The following TSNARE1 variants were observed in gnomAD, a reference collection of about 807,000 sequenced individuals.
The protein encoded by TSNARE1 is t-SNARE domain-containing protein 1.
TSNARE1 carries 49 observed loss-of-function variants against 62.0 expected under a neutral mutation model. The observed-to-expected ratio is 0.79, with a 90% CI of 0.63 to 1.00. TSNARE1 has a LOEUF of 1.00. TSNARE1 is among the 50% of genes least tolerant of loss of function. The pLI is 0.00. For missense variants in TSNARE1, 755 were observed against 700.1 expected (o/e 1.08, Z -0.88); for synonymous variants, 328 against 294.4 (o/e 1.11, Z -1.17).
At chr8:142,376,617 C>G (rs1460874207) in intron 1 of TSNARE1, among the ~76,000 whole-genome samples, 2 of 152,206 alleles carry the variant, frequency 1.3e-5, no homozygotes, top group African/African-American at 2.4e-5. Context: ...AAATGAGTGT[C>G]TGTCACCAGC....
intron 1 of TSNARE1, 81 bp from the exon 2 acceptor site, chr8:142,354,844 C>T (rs758028343): frequency 1.4e-5 from 11 of 762,082 alleles, no homozygotes; most frequent in East Asian, 5.4e-5. Context: ...CAGGGGCCGC[C>T]GGCCCCTCCC....
intron 13 of TSNARE1, among the ~76,000 whole-genome samples, chr8:142,226,181 C>A (rs1816759644): frequency 6.6e-6 from 1 of 152,196 alleles, no homozygotes; most frequent in Non-Finnish European, 1.5e-5. Flanking sequence ...TAAGTCAGCT[C>A]TGTACAGGGG....
At chr8:142,263,028 C>T (rs1290112104) in intron 12 of TSNARE1, among the ~76,000 whole-genome samples, 1 of 152,092 alleles carries the variant, frequency 6.6e-6, no homozygotes, top group African/African-American at 2.4e-5. Flanking sequence ...GTTGTGTTTC[C>T]TCTTTTCCAG....
chr8:142,280,209 G>A lies in TSNARE1; in HGVS notation c.1363+4204C>T, dbSNP rs571567998. 7.7e-5 allele frequency: 76 copies of A among 985,412 alleles called. No individual in the cohort carries two copies. In the East Asian group the frequency reaches 7.2e-3, roughly 93 times the overall value. The allele number at this position is 985,412 out of a possible 1,614,324, so 61.0% of individuals were successfully genotyped here. On this transcript the variant is annotated intron_variant, in intron 11 of 13. Transcript: ENST00000524325. ...AGTTGGGCTTGCGTGTCTTGGTGCGGGAGTGGGGGCCCGGCCGCAGGGGTG... is the reference window on the plus strand; with the variant it reads ...AGTTGGGCTTGCGTGTCTTGGTGCGAGAGTGGGGGCCCGGCCGCAGGGGTG...
At chr8:142,352,030 T>A (rs1425329519) in intron 2 of TSNARE1, among the ~76,000 whole-genome samples, 1 of 152,234 alleles carries the variant, frequency 6.6e-6, no homozygotes, top group Admixed American at 6.5e-5. Context: ...AAGAGAAAAG[T>A]GCGAGTCCCG....
chr8:142,351,570 G>A (rs1834094898), intron 2 of TSNARE1, among the ~76,000 whole-genome samples: 2 of 152,142 alleles, frequency 1.3e-5, no homozygotes, highest in South Asian at 2.1e-4. Flanking sequence ...ATGCAGGGAC[G>A]CCAGGCAAAC....
At chr8:142,278,456 A>G (rs2130714320) in intron 11 of TSNARE1, 1 of 985,424 alleles carries the variant, frequency 1.0e-6, no homozygotes, top group Non-Finnish European at 1.2e-6. Context: ...AAGTCCTTCC[A>G]GCAGCTCCCA....
chr8:142,275,396 C>T (rs188231988), intron 11 of TSNARE1: 26 of 985,264 alleles, frequency 2.6e-5, no homozygotes, highest in African/African-American at 2.4e-4. Context: ...GCGGGGATCA[C>T]GGGAGATGGT....
At position 142,291,900 on chromosome 8, in the gene TSNARE1, G is replaced by A. The variant is rs1162292727; in HGVS notation, c.1291-7415C>T. On this transcript the variant is annotated intron_variant, in intron 10 of 13. Coordinates refer to ENST00000524325, the MANE Select transcript of TSNARE1 (RefSeq NM_145003.5). The surrounding 1 kb of genome is among the most constrained non-coding windows in gnomAD (Gnocchi z 4.8). The stretch of plus-strand genomic sequence containing the variant: ...GGTGTGGGGTGAGGAATGAGGGAGA[G>A]GACAGTCCATTGGGAGTACGGGGTC... 6.6e-6 allele frequency among the ~76,000 whole-genome samples: 1 copy of A among 152,030 alleles called. No homozygotes were observed. Among genetic ancestry groups the A allele is most frequent in the Non-Finnish European group, 1.5e-5 (1 of 68,010 alleles).
At position 142,230,791 on chromosome 8, in the gene TSNARE1, TCCATCCA is replaced by T. The variant is rs1563763627; in HGVS notation, c.1447-1219_1447-1213del. ...AACCATCCATCCATCCATCCATCCATCCATCCATCCATCCACCCACTCATCCATCCAT... is the reference window on the plus strand; with the variant it reads ...AACCATCCATCCATCCATCCATCCATTCCATCCACCCACTCATCCATCCAT... On this transcript the variant is annotated intron_variant, in intron 12 of 13. Coordinates refer to ENST00000524325, the MANE Select transcript of TSNARE1 (RefSeq NM_145003.5). 5.2e-3 allele frequency among the ~76,000 whole-genome samples: 781 copies of T among 151,426 alleles called. 5 individuals carry two copies. The highest frequency in any genetic ancestry group is 0.018 in the African/African-American group (752 of 41,232).
intron 1 of TSNARE1, among the ~76,000 whole-genome samples, chr8:142,399,510 G>A (rs1838135752): frequency 6.6e-6 from 1 of 152,208 alleles, no homozygotes; most frequent in Non-Finnish European, 1.5e-5. Flanking sequence ...GCGCCCAAGA[G>A]GGAGAGGATG....
intron 6 of TSNARE1, among the ~76,000 whole-genome samples, chr8:142,326,919 C>T (rs958502538): frequency 6.6e-6 from 1 of 152,148 alleles, no homozygotes; most frequent in Non-Finnish European, 1.5e-5. Context: ...ACCACAAGAC[C>T]CCACTTCGCA....
chr8:142,230,817 CATCCATCCACCCACCT>C (rs1817070509), intron 12 of TSNARE1, among the ~76,000 whole-genome samples: 1 of 151,868 alleles, frequency 6.6e-6, no homozygotes, highest in Non-Finnish European at 1.5e-5. Flanking sequence ...CCCACTCATC[CATCCATCCACCCACCT>C]ATCCATCCAC....
At chr8:142,292,147 C>G (rs1336474893) in intron 10 of TSNARE1, among the ~76,000 whole-genome samples, 2 of 152,068 alleles carry the variant, frequency 1.3e-5, no homozygotes, top group Non-Finnish European at 2.9e-5. Flanking sequence ...GAGATCCCAG[C>G]CTACATCCCA....
chr8:142,288,480 C>T (rs1357432351), intron 10 of TSNARE1, among the ~76,000 whole-genome samples: 1 of 152,252 alleles, frequency 6.6e-6, no homozygotes, highest in African/African-American at 2.4e-5. Context: ...TCCATCTCAT[C>T]GCCGACACTC....
intron 4 of TSNARE1, among the ~76,000 whole-genome samples, chr8:142,333,013 A>G (rs899576104): frequency 1.3e-5 from 2 of 152,168 alleles, no homozygotes; most frequent in Non-Finnish European, 2.9e-5. Context: ...TCTCAGAAAC[A>G]CTGTTCAGAA....
chr8:142,308,096 T>C (rs1401558044), intron 9 of TSNARE1, among the ~76,000 whole-genome samples: 1 of 152,206 alleles, frequency 6.6e-6, no homozygotes, highest in East Asian at 1.9e-4. Context: ...TGTCTGCCCT[T>C]TCCTTGTTGA....
At chr8:142,315,161 A>C in intron 7 of TSNARE1, 69 bp from the exon 8 acceptor site, 1 of 1,500,936 alleles carries the variant, frequency 6.7e-7, no homozygotes, top group East Asian at 2.3e-5. Flanking sequence ...CACCACCCAC[A>C]CCTCCTCCCG....
intron 1 of TSNARE1, among the ~76,000 whole-genome samples, chr8:142,372,255 G>A (rs545696919): frequency 6.8e-4 from 103 of 152,312 alleles, no homozygotes; most frequent in African/African-American, 2.5e-3. Flanking sequence ...ATGGGCCCTG[G>A]GCATGTTCAC....
Sources: gnomAD v4.1 joint callset for allele counts (sites outside exome capture counted in the v4.1 genomes callset) on GRCh38, gnomAD v4.1.1 for gene constraint, Gnocchi (gnomAD v3.1) non-coding constraint, MANE v1.5 for transcripts, NCBI Gene and HGNC (gene_info 2026-07-23, HGNC 2026-07-21) for gene names.